SH3KBP1: variants seen among roughly 807,000 people sequenced by gnomAD.
SH3KBP1 encodes the protein SH3 domain containing kinase binding protein 1.
Under a neutral mutation model 50.1 loss-of-function variants are expected in SH3KBP1, and 8 were observed. That is an observed-to-expected ratio of 0.16 (90% CI 0.09 to 0.29). The LOEUF (loss-of-function observed/expected upper bound fraction) is 0.29. SH3KBP1 is among the 10% of genes least tolerant of loss of function. The pLI, the probability that SH3KBP1 is intolerant of heterozygous loss-of-function variation, is 1.00. For missense variants in SH3KBP1, 377 were observed against 535.2 expected (o/e 0.70, Z 2.92); for synonymous variants, 227 against 218.6 (o/e 1.04, Z -0.34).
At chrX:19,588,164 A>C (rs1220447750) in intron 12 of SH3KBP1, 1 of 309,559 alleles carries the variant, frequency 3.2e-6, no homozygotes, top group African/African-American at 2.7e-5. Context: ...TCGGGGTTCC[A>C]TAACAGGCTG....
At chrX:19,805,868 A>T (rs747473454) in intron 2 of SH3KBP1, among the ~76,000 whole-genome samples, 24 of 112,121 alleles carry the variant, frequency 2.1e-4, no homozygotes, top group African/African-American at 7.8e-4. Flanking sequence ...ATGCAGTCCC[A>T]TGAATGGTAC....
intron 5 of SH3KBP1, among the ~76,000 whole-genome samples, chrX:19,691,410 TTA>T (rs752742667): frequency 9.7e-6 from 1 of 102,623 alleles, no homozygotes; most frequent in Non-Finnish European, 2.0e-5. Context: ...TTTTCAGGTT[TTA>T]TATATATATT....
At chrX:19,571,128 C>T (rs1450188166) in intron 12 of SH3KBP1, among the ~76,000 whole-genome samples, 1 of 112,117 alleles carries the variant, frequency 8.9e-6, no homozygotes, top group South Asian at 3.7e-4. Context: ...TACCAGGGAC[C>T]AGGCCTAGGC....
chrX:19,664,381 C>T (rs2148498128), intron 6 of SH3KBP1, among the ~76,000 whole-genome samples: 1 of 111,440 alleles, frequency 9.0e-6, no homozygotes, highest in East Asian at 2.8e-4. Context: ...GGTTGGGCTA[C>T]ACACAAACAC....
intron 1 of SH3KBP1, among the ~76,000 whole-genome samples, chrX:19,837,943 C>T (rs1450446561): frequency 9.0e-6 from 1 of 111,105 alleles, no homozygotes; most frequent in East Asian, 2.8e-4. Flanking sequence ...GTTCACAGAC[C>T]TAAGTGTAAG....
At position 19,874,725 on chromosome X, in the gene SH3KBP1, G is replaced by A. The variant is rs778551979; in HGVS notation, c.4+12582C>T. Reference sequence around the variant, plus strand: ...AGGGTCAGGAGGCTGGGGGTGGACAGTGAGGATGCGGGGAGAGAGACTAAG... The same window carrying A: ...AGGGTCAGGAGGCTGGGGGTGGACAATGAGGATGCGGGGAGAGAGACTAAG... On this transcript the variant is annotated intron_variant, in intron 1 of 17. Coordinates refer to ENST00000397821, the MANE Select transcript of SH3KBP1 (RefSeq NM_031892.3). Among the ~76,000 whole-genome samples, 191 of 103,210 alleles carry A rather than the reference G, an allele frequency of 1.9e-3. 1 individual carries two copies. The highest frequency in any genetic ancestry group is 2.2e-3 in the Non-Finnish European group (111 of 50,419). 89.6% of individuals were successfully genotyped at this position (103,210 alleles called of 115,157 possible).
At chrX:19,660,374 G>T (rs2062416807) in intron 6 of SH3KBP1, among the ~76,000 whole-genome samples, 1 of 112,449 alleles carries the variant, frequency 8.9e-6, no homozygotes. Flanking sequence ...TTTTGAAACA[G>T]CAGGTTAACT....
chrX:19,622,328 G>A lies in SH3KBP1; in HGVS notation c.897+9536C>T, dbSNP rs1204046320. Among the ~76,000 whole-genome samples, 3 of 112,115 alleles carry A rather than the reference G, an allele frequency of 2.7e-5. No homozygotes were observed. In the East Asian group the frequency reaches 8.4e-4, roughly 31 times the overall value. ...GATTAAAAAGAATGATAATATCCAGGGATGACAAGAATAGGGAAATATATT... is the reference window on the plus strand; with the variant it reads ...GATTAAAAAGAATGATAATATCCAGAGATGACAAGAATAGGGAAATATATT... On this transcript the variant is annotated intron_variant, in intron 8 of 17. Transcript: ENST00000397821.
At chrX:19,612,129 T>C (rs1033343655) in intron 8 of SH3KBP1, among the ~76,000 whole-genome samples, 4 of 111,392 alleles carry the variant, frequency 3.6e-5, no homozygotes, top group Non-Finnish European at 7.5e-5. Flanking sequence ...GGAATAATTT[T>C]AACAGCAAAA....
At chrX:19,865,772 A>G (rs981647627) in intron 1 of SH3KBP1, among the ~76,000 whole-genome samples, 2 of 112,095 alleles carry the variant, frequency 1.8e-5, no homozygotes, top group Admixed American at 1.9e-4. Flanking sequence ...TGGTCCCCAA[A>G]TGACTGTACA....
Position 19,635,230 on chromosome X carries a change from T to A in SH3KBP1, c.803-3272A>T, listed in dbSNP as rs766203642. 6.2e-5 allele frequency among the ~76,000 whole-genome samples: 7 copies of A among 112,021 alleles called. No individual in the cohort carries two copies. In the East Asian group the frequency reaches 1.9e-3, roughly 31 times the overall value. Reference sequence around the variant, plus strand: ...GTGGTACATATACACCATGGAATACTATGCAGCCATAAAAAGGAATGAGAT... The same window carrying A: ...GTGGTACATATACACCATGGAATACAATGCAGCCATAAAAAGGAATGAGAT... On this transcript the variant is annotated intron_variant, in intron 7 of 17. Coordinates refer to ENST00000397821, the MANE Select transcript of SH3KBP1 (RefSeq NM_031892.3).
At chrX:19,715,889 A>C (rs2063896315) in intron 3 of SH3KBP1, among the ~76,000 whole-genome samples, 1 of 110,737 alleles carries the variant, frequency 9.0e-6, no homozygotes, top group Non-Finnish European at 1.9e-5. Flanking sequence ...CGTCTCTGCT[A>C]TGATTCATTA....
At chrX:19,622,114 CT>C (rs747160552) in intron 8 of SH3KBP1, among the ~76,000 whole-genome samples, 293 of 112,164 alleles carry the variant, frequency 2.6e-3, no homozygotes, top group Middle Eastern at 0.018. Context: ...ATTTTAATGA[CT>C]TTTTTTCTTA....
intron 12 of SH3KBP1, among the ~76,000 whole-genome samples, chrX:19,572,524 A>T (rs1164849648): frequency 1.9e-5 from 2 of 104,335 alleles, no homozygotes; most frequent in South Asian, 4.0e-4. Context: ...ACATATATGT[A>T]CTCTCTCTCT....
At chrX:19,860,535 A>G (rs1291963448) in intron 1 of SH3KBP1, among the ~76,000 whole-genome samples, 1 of 111,813 alleles carries the variant, frequency 8.9e-6, no homozygotes, top group Non-Finnish European at 1.9e-5. Context: ...AGTTCTGGAA[A>G]CAGATAATGG....
intron 3 of SH3KBP1, among the ~76,000 whole-genome samples, chrX:19,715,736 G>A (rs902641888): frequency 1.8e-5 from 2 of 112,452 alleles, no homozygotes; most frequent in Non-Finnish European, 3.8e-5. Flanking sequence ...CTAAATATCT[G>A]ACAATAGTAT....
At chrX:19,776,955 C>T (rs1004605524) in intron 2 of SH3KBP1, among the ~76,000 whole-genome samples, 1 of 110,587 alleles carries the variant, frequency 9.0e-6, no homozygotes, top group African/African-American at 3.3e-5. Flanking sequence ...AACCACCAAC[C>T]GCCTGCCACC....
At position 19,580,710 on chromosome X, in the gene SH3KBP1, T is replaced by C. The variant is rs975593540; in HGVS notation, c.1298+7933A>G. Among the ~76,000 whole-genome samples, 5 of 111,564 alleles carry C rather than the reference T, an allele frequency of 4.5e-5. No homozygotes were observed. In the South Asian group the frequency reaches 1.9e-3, roughly 43 times the overall value. ...CGGATGCACGCCCAGGTGTGAGCACTGCTGATCAGTAGTTGCTCCACACTT... is the reference window on the plus strand; with the variant it reads ...CGGATGCACGCCCAGGTGTGAGCACCGCTGATCAGTAGTTGCTCCACACTT... On this transcript the variant is annotated intron_variant, in intron 12 of 17. Coordinates refer to ENST00000397821, the MANE Select transcript of SH3KBP1 (RefSeq NM_031892.3).
At chrX:19,614,607 T>C (rs1161073224) in intron 8 of SH3KBP1, among the ~76,000 whole-genome samples, 1 of 112,098 alleles carries the variant, frequency 8.9e-6, no homozygotes, top group Non-Finnish European at 1.9e-5. Context: ...TCAGTGCTTT[T>C]ACAATGTCCC....
Sources: allele counts gnomAD v4.1 joint callset (sites outside exome capture counted in the v4.1 genomes callset), GRCh38; gene constraint gnomAD v4.1.1; transcripts MANE v1.5; gene names NCBI Gene and HGNC (gene_info 2026-07-23, HGNC 2026-07-21).